The following NAV3 variants were observed in gnomAD, a reference collection of about 807,000 sequenced individuals.
NAV3 encodes pore membrane and/or filament interacting like protein 1.
Under a neutral mutation model 244.7 loss-of-function variants are expected in NAV3, and 87 were observed. That is an observed-to-expected ratio of 0.36 (90% CI 0.30 to 0.42). The LOEUF is 0.42. Ranked by LOEUF, NAV3 falls within the 20% of genes least tolerant of loss-of-function variation. The probability of loss-of-function intolerance (pLI) is 1.00; values close to 1 mark genes in which losing one functional copy is unlikely to be tolerated. For missense variants in NAV3, 2,663 were observed against 2,893.3 expected, an observed-to-expected ratio of 0.92 and a Z score of 1.83; for synonymous variants, 1,126 against 1,042.2, an observed-to-expected ratio of 1.08 and a Z score of -1.55.
intron 2 of NAV3, among the ~76,000 whole-genome samples, chr12:77,620,544 T>C (rs897977176): frequency 1.7e-4 from 26 of 152,024 alleles, no homozygotes; most frequent in African/African-American, 6.0e-4. Flanking sequence ...CTCACTGCAA[T>C]CTCCACCTCC....
intron 1 of NAV3, among the ~76,000 whole-genome samples, chr12:77,910,844 T>G (rs1236247533): frequency 6.6e-6 from 1 of 152,068 alleles, no homozygotes; most frequent in Non-Finnish European, 1.5e-5. Flanking sequence ...CCAAAGTCAT[T>G]TTGCTTGAAA....
Position 77,798,234 on chromosome 12 carries a change from G to T in NAV3, c.73-142085G>T, listed in dbSNP as rs545251731. Among the ~76,000 whole-genome samples, 6 of 152,198 alleles carry T rather than the reference G, an allele frequency of 3.9e-5. No homozygotes were observed. In the East Asian group the frequency reaches 1.2e-3, roughly 29 times the overall value. ...ACCCCAAAAACAAATGACTTTGTTT[G>T]ATGAGTGAGAAAGAAGCTTGATTCA... On this transcript the variant is annotated intron_variant, in intron 2 of 8. Coordinates refer to the NAV3 transcript ENST00000550042.
At chr12:77,657,725 T>C (rs1427410504) in intron 2 of NAV3, among the ~76,000 whole-genome samples, 2 of 152,254 alleles carry the variant, frequency 1.3e-5, no homozygotes, top group South Asian at 2.1e-4. Flanking sequence ...ACTGGCAAAC[T>C]GAATCCAGCA....
At chr12:78,145,297 A>G (rs1183496450) in intron 20 of NAV3, among the ~76,000 whole-genome samples, 1 of 152,202 alleles carries the variant, frequency 6.6e-6, no homozygotes, top group Non-Finnish European at 1.5e-5. Context: ...TAGTGAAAAT[A>G]TAGGGAAGAC....
chr12:78,198,560 C>A, intron 35 of NAV3, 45 bp from the exon 36 acceptor site: 1 of 1,160,940 alleles, frequency 8.6e-7, no homozygotes, highest in Non-Finnish European at 1.3e-6. Flanking sequence ...GAATTAATCA[C>A]TTTTACCTCC....
At chr12:78,143,626 G>GAAAAAAAAAAAAAAAAAAAAAAAAA (rs71088361) in intron 20 of NAV3, among the ~76,000 whole-genome samples, 1 of 75,958 alleles carries the variant, frequency 1.3e-5, no homozygotes, top group Non-Finnish European at 2.6e-5. Context: ...CACTGTCTCA[G>GAAAAAAAAAAAAAAAAAAAAAAAAA]AAAAAAAAAA....
At chr12:77,687,044 A>T (rs954486012) in intron 2 of NAV3, among the ~76,000 whole-genome samples, 1 of 152,034 alleles carries the variant, frequency 6.6e-6, no homozygotes, top group Non-Finnish European at 1.5e-5. Flanking sequence ...TATTAACTAA[A>T]TCTGTAATTT....
intron 23 of NAV3, among the ~76,000 whole-genome samples, chr12:78,163,054 T>A (rs1389451417): frequency 6.7e-6 from 1 of 150,120 alleles, no homozygotes; most frequent in Non-Finnish European, 1.5e-5. Flanking sequence ...GAGAAGCTGG[T>A]TTGGAAGCTA....
chr12:77,597,861 C>A (rs375319637), intron 2 of NAV3, among the ~76,000 whole-genome samples: 1 of 152,030 alleles, frequency 6.6e-6, no homozygotes, highest in East Asian at 1.9e-4. Flanking sequence ...GGTAAGCATA[C>A]AGTTTTATGG....
At chr12:78,027,806 T>C (rs1191433927) in intron 9 of NAV3, among the ~76,000 whole-genome samples, 3 of 152,214 alleles carry the variant, frequency 2.0e-5, no homozygotes, top group Non-Finnish European at 4.4e-5. Context: ...CTATACGCAT[T>C]ACTCTGTGGT....
At chr12:78,173,340 T>A (rs1051947264) in intron 24 of NAV3, among the ~76,000 whole-genome samples, 1 of 151,678 alleles carries the variant, frequency 6.6e-6, no homozygotes, top group African/African-American at 2.4e-5. Context: ...AGGATTACTA[T>A]CTTTTTAAAA....
intron 2 of NAV3, among the ~76,000 whole-genome samples, chr12:77,769,336 A>C (rs901135285): frequency 6.6e-6 from 1 of 152,218 alleles, no homozygotes. Flanking sequence ...ATAACCTTAG[A>C]CATATGTAAA....
chr12:77,623,591 C>A (rs1280281319), intron 2 of NAV3, among the ~76,000 whole-genome samples: 1 of 152,134 alleles, frequency 6.6e-6, no homozygotes, highest in East Asian at 1.9e-4. Flanking sequence ...AAAATATTCA[C>A]AGAAATCTAT....
chr12:78,035,261 A>G (rs1389336785), intron 9 of NAV3, among the ~76,000 whole-genome samples: 1 of 152,190 alleles, frequency 6.6e-6, no homozygotes, highest in Non-Finnish European at 1.5e-5. Flanking sequence ...TGATGAAGAT[A>G]ATATCTCTGC....
At chr12:78,045,183 T>C (rs1457751594) in intron 9 of NAV3, among the ~76,000 whole-genome samples, 2 of 152,242 alleles carry the variant, frequency 1.3e-5, no homozygotes, top group East Asian at 3.8e-4. Flanking sequence ...TCTATTGAGA[T>C]AATCATGTGG....
chr12:77,756,900 T>G (rs1869209341), intron 2 of NAV3, among the ~76,000 whole-genome samples: 1 of 152,166 alleles, frequency 6.6e-6, no homozygotes, highest in East Asian at 1.9e-4. Flanking sequence ...TCATTCAACT[T>G]GCTAGAATCC....
At chr12:77,614,402 G>A (rs1194147073) in intron 2 of NAV3, among the ~76,000 whole-genome samples, 1 of 151,928 alleles carries the variant, frequency 6.6e-6, no homozygotes, top group Non-Finnish European at 1.5e-5. Flanking sequence ...GATGTTAGTA[G>A]CCCTGTATTT....
chr12:77,721,423 T>C (rs1017699746), intron 2 of NAV3, among the ~76,000 whole-genome samples: 1 of 152,154 alleles, frequency 6.6e-6, no homozygotes, highest in Non-Finnish European at 1.5e-5. Flanking sequence ...CCTTTTTGTT[T>C]TAGCTCTTCT....
chr12:77,699,398 A>G (rs1565777419), intron 2 of NAV3, among the ~76,000 whole-genome samples: 2 of 152,132 alleles, frequency 1.3e-5, no homozygotes, highest in African/African-American at 4.8e-5. Flanking sequence ...TGCAAAACAA[A>G]CCACCTGAAA....
Sources: gnomAD v4.1 joint callset for allele counts (sites outside exome capture counted in the v4.1 genomes callset) on GRCh38, gnomAD v4.1.1 for gene constraint, MANE v1.5 for transcripts, NCBI Gene and HGNC (gene_info 2026-07-23, HGNC 2026-07-21) for gene names.